The following SLC7A1 variants were observed in gnomAD, a reference collection of about 807,000 sequenced individuals.
SLC7A1 encodes the protein high affinity cationic amino acid transporter 1.
SLC7A1 carries 10 observed loss-of-function variants against 53.9 expected under a neutral mutation model. That is an observed-to-expected ratio of 0.19 (90% CI 0.11 to 0.31). The LOEUF is 0.31. Among genes scored for constraint, SLC7A1 ranks in the 10% least tolerant of loss-of-function variants. The pLI is 1.00. For missense variants in SLC7A1, 525 were observed against 827.2 expected (o/e 0.63, Z 4.48); for synonymous variants, 342 against 338.7 (o/e 1.01, Z -0.11).
intron 10 of SLC7A1, 26 bp from the exon 11 acceptor site, chr13:29,517,336 G>C: frequency 6.3e-7 from 1 of 1,588,942 alleles, no homozygotes; most frequent in East Asian, 2.2e-5. Flanking sequence ...AAGACAGCAA[G>C]CTGCAACTCA....
rs114818418 is a variant in SLC7A1 at position 29,566,349 on chromosome 13, A to C, written c.-114-12489T>G. Among the ~76,000 whole-genome samples, 1,506 of 152,354 alleles carry C rather than the reference A, an allele frequency of 9.9e-3. 24 individuals carry two copies. The highest frequency in any genetic ancestry group is 0.035 in the African/African-American group (1,455 of 41,572). ...AATGTTCACAGTAGCATTATTCATA[A>C]TAGGCAAAAAGCAGAAACAACCCAA... is the stretch of plus-strand genomic sequence containing the variant. On this transcript the variant is annotated intron_variant, in intron 1 of 12. Transcript: ENST00000380752.
At chr13:29,537,420 T>C (rs1869472334) in intron 2 of SLC7A1, among the ~76,000 whole-genome samples, 1 of 152,088 alleles carries the variant, frequency 6.6e-6, no homozygotes, top group African/African-American at 2.4e-5. Flanking sequence ...ACTAGGAAAG[T>C]CTGAGAAATG....
chr13:29,566,841 A>C (rs538398655), intron 1 of SLC7A1, among the ~76,000 whole-genome samples: 87 of 152,334 alleles, frequency 5.7e-4, no homozygotes, highest in African/African-American at 2.0e-3. Context: ...TTTCCCACTA[A>C]CCATGACAGG....
chr13:29,552,844 T>A (rs898065721), intron 2 of SLC7A1, among the ~76,000 whole-genome samples: 2 of 151,920 alleles, frequency 1.3e-5, no homozygotes, highest in East Asian at 3.8e-4. Flanking sequence ...CATTCTATAT[T>A]TCTGTGTGTG....
rs79902722 is a variant in SLC7A1, at chr13:29,516,965, C to G, written c.1677+179G>C. The G allele has an allele frequency of 1.3e-5, 7 of 522,528 alleles. No individual in the cohort carries two copies. The African/African-American group carries it at 1.4e-4, about 10-fold the overall frequency. The allele number at this position is 522,528 out of a possible 1,614,324, so 32.4% of individuals were successfully genotyped here. On this transcript the variant is annotated intron_variant, in intron 11 of 12. Coordinates refer to ENST00000380752, the MANE Select transcript of SLC7A1 (RefSeq NM_003045.5). ...TCCAGGGGAGAAGGGCTGCTGCCTC[C>G]TTCCAGGGTCTGGTCCTCTCTGTGC...
At chr13:29,580,436 ATCTATTCCATGTT>A (rs1364031587) in intron 1 of SLC7A1, among the ~76,000 whole-genome samples, 5 of 151,956 alleles carry the variant, frequency 3.3e-5, no homozygotes, top group Non-Finnish European at 5.9e-5. Context: ...CCGTTTTGAG[ATCTATTCCATGTT>A]ACCCCTCTTC....
chr13:29,583,918 T>TA (rs950639684), intron 1 of SLC7A1, among the ~76,000 whole-genome samples: 1 of 152,066 alleles, frequency 6.6e-6, no homozygotes, highest in African/African-American at 2.4e-5. Context: ...CAACAAAAGT[T>TA]AAAAAAACAA....
intron 7 of SLC7A1, 130 bp downstream of exon 7, chr13:29,523,136 G>A: frequency 2.7e-6 from 2 of 747,822 alleles, no homozygotes. Context: ...GTTGGGTACT[G>A]GGTCTATTTC....
intron 1 of SLC7A1, among the ~76,000 whole-genome samples, chr13:29,557,444 T>C (rs1430002155): frequency 6.6e-6 from 1 of 152,128 alleles, no homozygotes; most frequent in Admixed American, 6.5e-5. Flanking sequence ...CTAGGCTGCA[T>C]GGGATAGCCT....
chr13:29,516,276 T>A (rs1324947022), intron 11 of SLC7A1, 30 bp from the exon 12 acceptor site: 1 of 1,425,228 alleles, frequency 7.0e-7, no homozygotes, highest in Admixed American at 1.8e-5. Flanking sequence ...CTTCAATCCA[T>A]GGCAGTGGCG....
In SLC7A1 at chr13:29,511,435, T is replaced by C. The variant is rs1213021522; in HGVS notation, c.*3045A>G. On this transcript the variant is annotated 3_prime_UTR_variant, in exon 13 of 13. Transcript: ENST00000380752. ...AGACAGCCTGGGGAAAATGCATCTA[T>C]CACTGTCCTCTTGATTTGGAAAAAT... 6.6e-6 allele frequency: 1 copy of C among 152,226 alleles called. No homozygotes were observed. Among genetic ancestry groups the C allele is most frequent in the Non-Finnish European group, 1.5e-5 (1 of 68,058 alleles). 9.4% of individuals were successfully genotyped at this position (152,226 alleles called of 1,614,324 possible).
At chr13:29,541,060 G>A (rs1005960737) in intron 2 of SLC7A1, among the ~76,000 whole-genome samples, 1 of 152,158 alleles carries the variant, frequency 6.6e-6, no homozygotes, top group Non-Finnish European at 1.5e-5. Flanking sequence ...GCAGCCACAG[G>A]TGGGAGAAGG....
chr13:29,523,227 T>A, intron 7 of SLC7A1, 39 bp downstream of exon 7: 1 of 1,554,850 alleles, frequency 6.4e-7, no homozygotes, highest in African/African-American at 1.4e-5. Context: ...TGCTGGTGGT[T>A]CCACCCCTAG....
chr13:29,589,367 A>G (rs1872010940), intron 1 of SLC7A1, among the ~76,000 whole-genome samples: 1 of 152,232 alleles, frequency 6.6e-6, no homozygotes, highest in Admixed American at 6.5e-5. Flanking sequence ...TGATAAATCA[A>G]ACAAGGCTCC....
intron 5 of SLC7A1, 111 bp from the exon 6 acceptor site, chr13:29,524,364 T>C: frequency 2.9e-6 from 4 of 1,377,492 alleles, no homozygotes; most frequent in East Asian, 2.4e-5. Context: ...CCCTCCCTGT[T>C]ACCGCTGCCA....
chr13:29,535,566 G>A (rs1054150301), intron 3 of SLC7A1, among the ~76,000 whole-genome samples: 3 of 152,188 alleles, frequency 2.0e-5, no homozygotes, highest in African/African-American at 7.2e-5. Context: ...GTCAGGCAGG[G>A]TATTTCTACT....
chr13:29,520,913 T>C (rs1868606486), intron 8 of SLC7A1, among the ~76,000 whole-genome samples: 1 of 152,232 alleles, frequency 6.6e-6, no homozygotes, highest in Admixed American at 6.5e-5. Flanking sequence ...CAAATACTTA[T>C]TTACCACTCC....
chr13:29,524,306 G>GT (rs1868783006), intron 5 of SLC7A1, 53 bp from the exon 6 acceptor site: 1 of 1,608,968 alleles, frequency 6.2e-7, no homozygotes, highest in South Asian at 1.1e-5. Flanking sequence ...GCAGTCTGGC[G>GT]TAAGGAGCTG....
At position 29,512,903 on chromosome 13, in the gene SLC7A1, CTTCT is replaced by C. The variant is rs1479863290; in HGVS notation, c.*1573_*1576del. 7.5e-6 allele frequency: 1 copy of C among 133,844 alleles called. No homozygotes were observed. The highest frequency in any genetic ancestry group is 1.9e-4 in the East Asian group (1 of 5,190). The allele number at this position is 133,844 out of a possible 1,614,324, so 8.3% of individuals were successfully genotyped here. On this transcript the variant is annotated 3_prime_UTR_variant, in exon 13 of 13. Transcript: ENST00000380752. Reference sequence around the variant, plus strand: ...GTACAAGTGCCCTCAATTTATCAGGCTTCTTTCTACCAGATTTGTGTCAAAGGCC... The same window carrying C: ...GTACAAGTGCCCTCAATTTATCAGGCTTCTACCAGATTTGTGTCAAAGGCC...
Sources: allele counts gnomAD v4.1 joint callset (sites outside exome capture counted in the v4.1 genomes callset), GRCh38; gene constraint gnomAD v4.1.1; transcripts MANE v1.5; gene names NCBI Gene and HGNC (gene_info 2026-07-23, HGNC 2026-07-21).